The following FMN2 variants were observed in gnomAD, a reference collection of about 807,000 sequenced individuals.
FMN2 encodes the protein formin 2.
FMN2 carries 51 observed loss-of-function variants against 142.3 expected under a neutral mutation model. The observed-to-expected ratio is 0.36, with a 90% CI of 0.29 to 0.45. The LOEUF is 0.45. FMN2 is among the 20% of genes least tolerant of loss of function. The pLI is 1.00. For synonymous variants in FMN2, 882 were observed against 869.8 expected (o/e 1.01, Z -0.25); for missense variants, 1,936 against 2,122.8 (o/e 0.91, Z 1.73).
At chr1:240,415,399 G>C (rs1370607006) in intron 15 of FMN2, among the ~76,000 whole-genome samples, 1 of 152,068 alleles carries the variant, frequency 6.6e-6, no homozygotes, top group African/African-American at 2.4e-5. Context: ...GTGGGGGCCT[G>C]GGGGAGGGAT....
chr1:240,472,368 T>C lies in FMN2; in HGVS notation c.5061-4T>C. 2 of 1,608,386 alleles carry C rather than the reference T, an allele frequency of 1.2e-6. No individual in the cohort carries two copies. The highest frequency in any genetic ancestry group is 1.7e-6 in the Non-Finnish European group (2 of 1,177,676). On this transcript the variant is annotated splice_polypyrimidine_tract_variant and splice_region_variant and intron_variant, in intron 16 of 17. Transcript: ENST00000319653. ...TTTAAATACATGTGTCTTCTCCCCATCAGAGTAAAAGAAGCCGAAGAGGTG... is the reference window on the plus strand; with the variant it reads ...TTTAAATACATGTGTCTTCTCCCCACCAGAGTAAAAGAAGCCGAAGAGGTG...
At chr1:240,204,177 A>G (rs1453902636) in intron 4 of FMN2, among the ~76,000 whole-genome samples, 1 of 151,914 alleles carries the variant, frequency 6.6e-6, no homozygotes, top group Non-Finnish European at 1.5e-5. Flanking sequence ...AACCCTTTGT[A>G]GGGGTTGTGT....
intron 8 of FMN2, among the ~76,000 whole-genome samples, chr1:240,321,733 A>G (rs1386452392): frequency 6.6e-6 from 1 of 152,240 alleles, no homozygotes; most frequent in Non-Finnish European, 1.5e-5. Flanking sequence ...GATTGAATGC[A>G]AAAGCAGATA....
intron 16 of FMN2, among the ~76,000 whole-genome samples, chr1:240,442,750 T>A (rs986851466): frequency 2.0e-5 from 3 of 152,226 alleles, no homozygotes; most frequent in African/African-American, 7.2e-5. Flanking sequence ...TTCATCCTGA[T>A]GACGCATGTG....
chr1:240,097,219 T>G (rs1216393934), intron 1 of FMN2, among the ~76,000 whole-genome samples: 2 of 152,206 alleles, frequency 1.3e-5, no homozygotes, highest in African/African-American at 2.4e-5. Context: ...TTGTTACATC[T>G]TATAAAAACA....
chr1:240,387,001 C>T (rs924318927), intron 14 of FMN2, among the ~76,000 whole-genome samples: 5 of 152,060 alleles, frequency 3.3e-5, no homozygotes, highest in Non-Finnish European at 7.4e-5. Context: ...TTGAGATTTG[C>T]GGGGTGGGCA....
chr1:240,204,927 AAAG>A (rs1258907609), intron 4 of FMN2, among the ~76,000 whole-genome samples: 3 of 152,198 alleles, frequency 2.0e-5, no homozygotes, highest in Admixed American at 6.5e-5. Flanking sequence ...CAGATTTAAT[AAAG>A]AAGATGTTTG....
Position 240,207,173 on chromosome 1 carries a change from G to A in FMN2, c.2361G>A (p.Leu787=), listed in dbSNP as rs1180624926. 2.5e-6 allele frequency: 4 copies of A among 1,613,876 alleles called. No individual in the cohort carries two copies. Among genetic ancestry groups the A allele is most frequent in the Non-Finnish European group, 3.4e-6 (4 of 1,179,964 alleles). The part of the protein sequence containing the change: ...PQTKFCSEIS[L]IVSPRRISVQ... ...CAAAGTTCTGTTCAGAGATTTCTTT[G>A]ATTGTGTCTCCAAGGCGAATATCAG... Residue 787 remains leucine, a synonymous_variant, in exon 5 of 18, where the codon TTG becomes TTA. Coordinates refer to ENST00000319653, the MANE Select transcript of FMN2 (RefSeq NM_020066.5).
intron 13 of FMN2, among the ~76,000 whole-genome samples, chr1:240,342,189 T>C (rs890445433): frequency 2.0e-5 from 3 of 152,242 alleles, no homozygotes; most frequent in African/African-American, 4.8e-5. Flanking sequence ...CTATGTCTGC[T>C]TAGTTTCCTC....
At chr1:240,393,478 C>T (rs1673676402) in intron 15 of FMN2, among the ~76,000 whole-genome samples, 1 of 152,126 alleles carries the variant, frequency 6.6e-6, no homozygotes, top group Non-Finnish European at 1.5e-5. Context: ...TGCGTCTCCC[C>T]TCTCCTCAGG....
intron 16 of FMN2, among the ~76,000 whole-genome samples, chr1:240,446,807 A>G (rs371729190): frequency 6.6e-5 from 10 of 152,304 alleles, no homozygotes; most frequent in African/African-American, 2.4e-4. Context: ...CCCATGGCTC[A>G]GTCCCACCAT....
intron 15 of FMN2, among the ~76,000 whole-genome samples, chr1:240,416,510 T>A (rs1425465681): frequency 1.3e-5 from 2 of 152,132 alleles, no homozygotes; most frequent in Non-Finnish European, 2.9e-5. Flanking sequence ...CTTCAAGTGA[T>A]CCTCCCACCT....
At chr1:240,096,447 T>C (rs1661199489) in intron 1 of FMN2, among the ~76,000 whole-genome samples, 1 of 152,202 alleles carries the variant, frequency 6.6e-6, no homozygotes, top group South Asian at 2.1e-4. Context: ...TGAATCCAGA[T>C]TGACACAGGC....
At chr1:240,384,310 AAAAG>A (rs1194246092) in intron 14 of FMN2, among the ~76,000 whole-genome samples, 2 of 152,204 alleles carry the variant, frequency 1.3e-5, no homozygotes, top group Non-Finnish European at 2.9e-5. Flanking sequence ...AATAATATTT[AAAAG>A]AAAGAAATAT....
rs536405435 is a variant in FMN2 at position 240,386,810 on chromosome 1, G to A, written c.4859-5701G>A. 3.9e-5 allele frequency among the ~76,000 whole-genome samples: 6 copies of A among 152,294 alleles called. No individual in the cohort carries two copies. In the East Asian group the frequency reaches 7.7e-4, roughly 20 times the overall value. On this transcript the variant is annotated intron_variant, in intron 14 of 17. Transcript: ENST00000319653. ...TCAGTGGCACAGGACTGTCTGAGCCGATGGTCTCTTTGGTAGGATCAGACC... is the reference window on the plus strand; with the variant it reads ...TCAGTGGCACAGGACTGTCTGAGCCAATGGTCTCTTTGGTAGGATCAGACC...
intron 2 of FMN2, among the ~76,000 whole-genome samples, chr1:240,155,205 C>A (rs998981217): frequency 1.3e-5 from 2 of 151,956 alleles, no homozygotes; most frequent in African/African-American, 2.4e-5. Context: ...TCTTTGCTTT[C>A]GATGAAGATG....
intron 15 of FMN2, among the ~76,000 whole-genome samples, chr1:240,431,858 T>C (rs1002002423): frequency 1.4e-4 from 22 of 151,774 alleles, no homozygotes; most frequent in African/African-American, 5.3e-4. Flanking sequence ...TGCATTTGAT[T>C]TGATGATGTT....
intron 2 of FMN2, among the ~76,000 whole-genome samples, chr1:240,148,854 C>T (rs1663635352): frequency 6.6e-6 from 1 of 151,974 alleles, no homozygotes; most frequent in African/African-American, 2.4e-5. Flanking sequence ...TGCCTGTAGT[C>T]CCAGCTACTC....
chr1:240,300,987 G>A (rs541297339), intron 8 of FMN2, among the ~76,000 whole-genome samples: 1 of 150,798 alleles, frequency 6.6e-6, no homozygotes, highest in Non-Finnish European at 1.5e-5. Flanking sequence ...GCATGCATTT[G>A]GGTCTGTGTT....
Sources: allele counts gnomAD v4.1 joint callset (sites outside exome capture counted in the v4.1 genomes callset), GRCh38; gene constraint gnomAD v4.1.1; transcripts MANE v1.5; gene names NCBI Gene and HGNC (gene_info 2026-07-23, HGNC 2026-07-21).